NUP160: variants seen among roughly 807,000 people sequenced by gnomAD.
NUP160 encodes nuclear pore complex protein Nup160.
A neutral mutation model predicts 196.9 loss-of-function variants in NUP160; 94 were observed. The ratio of observed to expected loss-of-function variants is 0.48; its 90% CI spans 0.40 to 0.57. The LOEUF (loss-of-function observed/expected upper bound fraction) is 0.57. NUP160 is among the 20% of genes least tolerant of loss of function. The pLI, the probability that NUP160 is intolerant of heterozygous loss-of-function variation, is 0.00. For synonymous variants in NUP160, 605 were observed against 619.7 expected (o/e 0.98, Z 0.35); for missense variants, 1,638 against 1,748.3 (o/e 0.94, Z 1.13).
At chr11:47,810,525 C>T (rs540253796) in intron 17 of NUP160, among the ~76,000 whole-genome samples, 4 of 151,204 alleles carry the variant, frequency 2.6e-5, no homozygotes, top group Non-Finnish European at 5.9e-5. Flanking sequence ...CTACCATTAG[C>T]GATGTATCTG....
At chr11:47,840,394 G>C in exon 3 of NUP160, 1 of 1,613,688 alleles carries the variant, frequency 6.2e-7, no homozygotes, top group Non-Finnish European at 8.5e-7. Flanking sequence ...ATACATCCGG[G>C]AGGGGTGTGG....
At chr11:47,808,972 G>A (rs1777089582) in intron 17 of NUP160, among the ~76,000 whole-genome samples, 1 of 151,810 alleles carries the variant, frequency 6.6e-6, no homozygotes. Context: ...ATGGTGGTGG[G>A]CGCCTGTATT....
intron 27 of NUP160, among the ~76,000 whole-genome samples, chr11:47,795,348 G>T (rs541887018): frequency 6.6e-6 from 1 of 152,218 alleles, no homozygotes; most frequent in South Asian, 2.1e-4. Context: ...TTGCTAAACT[G>T]GTACTAAGCA....
intron 23 of NUP160, among the ~76,000 whole-genome samples, chr11:47,800,607 G>T (rs1033296765): frequency 6.6e-6 from 1 of 152,024 alleles, no homozygotes; most frequent in African/African-American, 2.4e-5. Flanking sequence ...GGTCAGGCTG[G>T]TCTCGAACTA....
intron 20 of NUP160, 106 bp from the exon 21 acceptor site, chr11:47,804,724 A>C (rs2097676465): frequency 4.2e-6 from 3 of 713,048 alleles, no homozygotes; most frequent in Non-Finnish European, 6.8e-6. Context: ...ATTTACATAA[A>C]CAAGGCAGAG....
chr11:47,778,624 C>A (rs2097658873), exon 36 of NUP160: 1 of 152,752 alleles, frequency 6.5e-6, no homozygotes, highest in Non-Finnish European at 1.5e-5. Flanking sequence ...AAAAAGTACA[C>A]AAAATTATTA....
chr11:47,782,303 A>AATATATAT (rs10529981), intron 34 of NUP160, among the ~76,000 whole-genome samples: 11 of 40,494 alleles, frequency 2.7e-4, no homozygotes, highest in South Asian at 9.6e-4. Flanking sequence ...AAAAAAAAAA[A>AATATATAT]ATATATATAT....
chr11:47,848,509 G>T (rs111323744), upstream of NUP160: 2 of 1,054,014 alleles, frequency 1.9e-6, no homozygotes, highest in South Asian at 1.6e-5. Context: ...AGAAGAGAAG[G>T]GGGCAGGGGA....
upstream of NUP160, chr11:47,848,473 G>T: frequency 1.5e-6 from 2 of 1,370,566 alleles, no homozygotes; most frequent in Non-Finnish European, 9.8e-7. Context: ...TCCACCGGGA[G>T]AATGAGGGTG....
intron 4 of NUP160, chr11:47,839,509 G>A (rs1852252169): frequency 3.7e-6 from 1 of 267,018 alleles, no homozygotes; most frequent in African/African-American, 2.2e-5. Flanking sequence ...GCAACTTGGT[G>A]CAGGGTATTT....
rs756884027 is a variant in NUP160, at chr11:47,821,870, T to G, written c.1180-49A>C. 5.0e-6 allele frequency: 7 copies of G among 1,398,928 alleles called. No homozygotes were observed. The South Asian group carries it at 8.1e-5, about 16-fold the overall frequency. The allele number at this position is 1,398,928 out of a possible 1,614,324, so 86.7% of individuals were successfully genotyped here. ...AGGGATAAAATAAGAAAGAAAGTAG[T>G]AGTTCACGGTGACTTACTTTTTCAT... On this transcript the variant is annotated intron_variant, in intron 8 of 35. Transcript: ENST00000378460.
intron 13 of NUP160, among the ~76,000 whole-genome samples, chr11:47,814,140 TCAAACAAA>T (rs111366014): frequency 2.4e-4 from 35 of 144,520 alleles, no homozygotes; most frequent in Admixed American, 5.0e-4. Flanking sequence ...AGACCCTGCC[TCAAACAAA>T]CAAACAAACA....
At chr11:47,828,922 TA>T (rs898349483) in intron 7 of NUP160, among the ~76,000 whole-genome samples, 4 of 151,342 alleles carry the variant, frequency 2.6e-5, no homozygotes, top group Admixed American at 6.6e-5. Context: ...CTCACACTAT[TA>T]AAAAAAAACC....
intron 12 of NUP160, 118 bp from the exon 13 acceptor site, chr11:47,815,767 C>T (rs556093706): frequency 4.1e-6 from 4 of 966,436 alleles, no homozygotes; most frequent in Non-Finnish European, 6.2e-6. Flanking sequence ...ATATTCCTTA[C>T]GTATTAAAGG....
At chr11:47,783,100 T>C in exon 34 of NUP160, 1 of 1,613,926 alleles carries the variant, frequency 6.2e-7, no homozygotes, top group East Asian at 2.2e-5. Flanking sequence ...GATGTCCTTT[T>C]CCCAATACAG....
chr11:47,779,150 T>A, exon 36 of NUP160: 1 of 1,613,668 alleles, frequency 6.2e-7, no homozygotes, highest in Non-Finnish European at 8.5e-7. Flanking sequence ...CCTTATCAAC[T>A]TTTTGCTGGT....
intron 4 of NUP160, among the ~76,000 whole-genome samples, chr11:47,839,216 C>T (rs924499367): frequency 2.0e-5 from 3 of 151,988 alleles, no homozygotes; most frequent in Non-Finnish European, 2.9e-5. Context: ...CTCAGCCTCC[C>T]GAGTAGCTGG....
chr11:47,833,026 G>A (rs1852106356), intron 7 of NUP160, among the ~76,000 whole-genome samples: 1 of 152,182 alleles, frequency 6.6e-6, no homozygotes. Context: ...AAGGTATGGG[G>A]TTTCTTTTTG....
chr11:47,815,505 T>C lies in NUP160; in HGVS notation c.1660A>G (p.Thr554Ala), dbSNP rs1335337787. ...TTTTTCAGCAGGCACACCATGTTTG[T>C]GTGTGGATTCAAATGTAGGGCAAGA... is the stretch of plus-strand genomic sequence containing the variant. Residue 554 changes from threonine (T) to alanine (A), a missense_variant, in exon 13 of 36, where the codon ACA becomes GCA. Around this residue, in one of 3 missense-constraint regions of NUP160, gnomAD observed 1,345 missense variants for 1,470.2 expected, o/e 0.91. Transcript: ENST00000378460. The C allele has an allele frequency of 3.1e-6, 5 of 1,607,604 alleles. 1 individual carries two copies. The South Asian group carries it at 5.6e-5, about 18-fold the overall frequency.
Sources: allele counts gnomAD v4.1 joint callset (sites outside exome capture counted in the v4.1 genomes callset), GRCh38; gene constraint gnomAD v4.1.1; regional missense constraint gnomAD v4.1.1; transcripts MANE v1.5; gene names NCBI Gene and HGNC (gene_info 2026-07-23, HGNC 2026-07-21).